RTN3: variants seen among roughly 807,000 people sequenced by gnomAD.
RTN3 encodes reticulon 3.
RTN3 carries 49 observed loss-of-function variants against 77.8 expected under a neutral mutation model. The observed-to-expected ratio is 0.63, with a 90% confidence interval of 0.50 to 0.80. The LOEUF (loss-of-function observed/expected upper bound fraction) is 0.80. Ranked by LOEUF, RTN3 falls within the 30% of genes least tolerant of loss-of-function variation. The pLI is 0.00. For missense variants in RTN3, 1,236 were observed against 1,211.9 expected (o/e 1.02, Z -0.29); for synonymous variants, 464 against 446.9 (o/e 1.04, Z -0.48).
At chr11:63,746,215 C>T (rs992380750) in intron 3 of RTN3, among the ~76,000 whole-genome samples, 2 of 152,166 alleles carry the variant, frequency 1.3e-5, no homozygotes, top group African/African-American at 4.8e-5. Context: ...TAGCCTCATT[C>T]TCTAAGTTTC....
intron 1 of RTN3, among the ~76,000 whole-genome samples, chr11:63,690,832 T>A (rs781446986): frequency 2.6e-4 from 39 of 152,198 alleles, no homozygotes; most frequent in Non-Finnish European, 4.6e-4. Flanking sequence ...CTTGAAATGC[T>A]TTTTTAATTT....
chr11:63,724,919 CTG>C (rs1411595585), intron 3 of RTN3, among the ~76,000 whole-genome samples: 2 of 150,124 alleles, frequency 1.3e-5, no homozygotes, highest in African/African-American at 4.9e-5. Flanking sequence ...TATGGTATAA[CTG>C]TGCAATCGAA....
At chr11:63,722,106 GA>G (rs969734230) in intron 3 of RTN3, among the ~76,000 whole-genome samples, 3 of 150,358 alleles carry the variant, frequency 2.0e-5, no homozygotes, top group South Asian at 2.1e-4. Flanking sequence ...GAAAGTACAA[GA>G]AAAAAAAAGG....
chr11:63,714,929 A>G (rs1311315280), intron 2 of RTN3, among the ~76,000 whole-genome samples: 3 of 152,168 alleles, frequency 2.0e-5, no homozygotes, highest in African/African-American at 7.2e-5. Flanking sequence ...TTCTACACCT[A>G]ACTTGAAACT....
intron 1 of RTN3, among the ~76,000 whole-genome samples, chr11:63,686,467 T>G (rs575773559): frequency 3.6e-5 from 2 of 56,124 alleles, no homozygotes; most frequent in South Asian, 8.7e-4. Flanking sequence ...CGAGACTCCG[T>G]CTCAAAAAAA....
intron 3 of RTN3, among the ~76,000 whole-genome samples, chr11:63,734,680 C>G (rs526739): frequency 6.6e-6 from 1 of 151,024 alleles, no homozygotes; most frequent in East Asian, 1.9e-4. Context: ...TGCAATGAGC[C>G]GAGTTCACGC....
chr11:63,704,797 G>A, intron 1 of RTN3, 54 bp from the exon 2 acceptor site: 1 of 1,341,878 alleles, frequency 7.5e-7, no homozygotes, highest in Non-Finnish European at 1.1e-6. Context: ...GAAAGTTAAA[G>A]TTAAAATTCC....
intron 3 of RTN3, among the ~76,000 whole-genome samples, chr11:63,727,357 C>T (rs1041198093): frequency 3.9e-5 from 6 of 152,142 alleles, no homozygotes; most frequent in African/African-American, 1.4e-4. Flanking sequence ...TAGAAACTAA[C>T]TGCATGTGTT....
At chr11:63,756,525 T>G (rs2014389724) in intron 8 of RTN3, among the ~76,000 whole-genome samples, 1 of 151,946 alleles carries the variant, frequency 6.6e-6, no homozygotes, top group Non-Finnish European at 1.5e-5. Flanking sequence ...AATAAAAAAT[T>G]AGCTGTGCAT....
At chr11:63,715,331 A>G (rs1164844238) in intron 2 of RTN3, among the ~76,000 whole-genome samples, 1 of 152,224 alleles carries the variant, frequency 6.6e-6, no homozygotes, top group Non-Finnish European at 1.5e-5. Flanking sequence ...AAGATGACAG[A>G]TCTGAATCAT....
At chr11:63,687,105 C>T (rs1941415956) in intron 1 of RTN3, among the ~76,000 whole-genome samples, 1 of 152,148 alleles carries the variant, frequency 6.6e-6, no homozygotes, top group South Asian at 2.1e-4. Context: ...GGAATGTGGC[C>T]CCCGTCCAAC....
At chr11:63,683,972 T>TA (rs1555063574) in intron 1 of RTN3, among the ~76,000 whole-genome samples, 1,845 of 136,050 alleles carry the variant, frequency 0.014, 42 homozygotes, top group South Asian at 0.037. Context: ...TTTTTTTTTT[T>TA]AGACAAGGTC....
intron 2 of RTN3, among the ~76,000 whole-genome samples, chr11:63,707,837 C>G (rs1942573565): frequency 6.6e-6 from 1 of 151,996 alleles, no homozygotes. Flanking sequence ...AACTCCGTCT[C>G]AAAAACAAAA....
intron 1 of RTN3, among the ~76,000 whole-genome samples, chr11:63,686,594 G>T (rs1158661125): frequency 6.6e-6 from 1 of 152,158 alleles, no homozygotes. Context: ...GGAGGCTGAG[G>T]TGGGTGGCTT....
chr11:63,689,254 G>A (rs1484422722), intron 1 of RTN3, among the ~76,000 whole-genome samples: 12 of 152,126 alleles, frequency 7.9e-5, no homozygotes, highest in Non-Finnish European at 1.2e-4. Flanking sequence ...AAAATTAGCA[G>A]GTCGATATTT....
chr11:63,736,240 C>A (rs988582890), intron 3 of RTN3, among the ~76,000 whole-genome samples: 3 of 152,136 alleles, frequency 2.0e-5, no homozygotes, highest in Non-Finnish European at 4.4e-5. Flanking sequence ...AAGCTGCCTG[C>A]GGGTGCTAAC....
chr11:63,726,925 C>T (rs1367717838), intron 3 of RTN3, among the ~76,000 whole-genome samples: 1 of 149,660 alleles, frequency 6.7e-6, no homozygotes, highest in Non-Finnish European at 1.5e-5. Context: ...CACAGTGGCT[C>T]ATGCCTGTAA....
chr11:63,753,576 G>T (rs2014212246), intron 6 of RTN3, 86 bp from the exon 7 acceptor site: 9 of 1,233,608 alleles, frequency 7.3e-6, no homozygotes, highest in South Asian at 5.4e-5. Flanking sequence ...TGTATTTTTT[G>T]AGGAAAAATG....
chr11:63,708,694 G>A (rs944473309), intron 2 of RTN3, among the ~76,000 whole-genome samples: 2 of 152,180 alleles, frequency 1.3e-5, no homozygotes, highest in African/African-American at 2.4e-5. Context: ...TAGATTTCTA[G>A]TTAGAATGTC....
Sources: gnomAD v4.1 joint callset for allele counts (sites outside exome capture counted in the v4.1 genomes callset) on GRCh38, gnomAD v4.1.1 for gene constraint, MANE v1.5 for transcripts, NCBI Gene and HGNC (gene_info 2026-07-23, HGNC 2026-07-21) for gene names.